The following SLC60A1 variants were observed in gnomAD, a reference collection of about 807,000 sequenced individuals.
SLC60A1 encodes solute carrier family 60 member 1.
At chr1:205,580,143 A>G in the SLC60A1 span, among the ~76,000 whole-genome samples, 1 of 152,106 alleles carries the variant, frequency 6.6e-6, no homozygotes, top group East Asian at 1.9e-4. The surrounding 1 kb of genome is among the most constrained non-coding windows in gnomAD (Gnocchi z 5.0). Flanking sequence ...CCAGGAGCCT[A>G]AGCGCTTGGG....
At chr1:205,569,423 C>T in the SLC60A1 span, 4 of 586,190 alleles carry the variant, frequency 6.8e-6, no homozygotes, top group Non-Finnish European at 9.5e-6. Flanking sequence ...CCCGTCGCCC[C>T]CGCCTCCCGG....
At chr1:205,569,068 C>T in the SLC60A1 span, 1 of 1,478,962 alleles carries the variant, frequency 6.8e-7, no homozygotes, top group Non-Finnish European at 9.0e-7. Context: ...TCAGCCTGCG[C>T]CATGGGCTGC....
chr1:205,596,008 C>T, the SLC60A1 span, among the ~76,000 whole-genome samples: 1 of 152,072 alleles, frequency 6.6e-6, no homozygotes, highest in East Asian at 1.9e-4. Context: ...AATGGAAAGG[C>T]CTTCCTGGGT....
the SLC60A1 span, among the ~76,000 whole-genome samples, chr1:205,587,416 C>T: frequency 1.3e-5 from 2 of 151,996 alleles, no homozygotes; most frequent in African/African-American, 4.8e-5. Context: ...TTGGATTTGA[C>T]CTCGTGCCAG....
chr1:205,569,957 C>T, the SLC60A1 span, among the ~76,000 whole-genome samples: 1 of 151,958 alleles, frequency 6.6e-6, no homozygotes, highest in Non-Finnish European at 1.5e-5. Context: ...ACACACAGGA[C>T]CTCACCGTTA....
chr1:205,594,317 T>C, the SLC60A1 span, among the ~76,000 whole-genome samples: 4 of 152,354 alleles, frequency 2.6e-5, no homozygotes, highest in East Asian at 7.7e-4. Flanking sequence ...TGTCACACAG[T>C]ACAACTCGAG....
At chr1:205,592,334 G>T in the SLC60A1 span, 3 of 1,546,058 alleles carry the variant, frequency 1.9e-6, no homozygotes, top group Admixed American at 1.9e-5. Flanking sequence ...CTAGCTGGGC[G>T]CCGCCGCCTC....
the SLC60A1 span, chr1:205,579,753 T>A: frequency 4.9e-4 from 784 of 1,614,060 alleles, 3 homozygotes; most frequent in African/African-American, 9.0e-3. Flanking sequence ...TCCTGCAGCC[T>A]GGCCCAGTCA....
At chr1:205,598,207 C>A in the SLC60A1 span, 1 of 210,544 alleles carries the variant, frequency 4.7e-6, no homozygotes, top group Non-Finnish European at 9.8e-6. Context: ...TCGGAACCCA[C>A]CACTCCCTAC....
the SLC60A1 span, among the ~76,000 whole-genome samples, chr1:205,596,578 A>T: frequency 4.0e-4 from 55 of 137,916 alleles, no homozygotes; most frequent in African/African-American, 1.5e-3. Flanking sequence ...AAAAAAAAAA[A>T]GATGAATGAT....
chr1:205,599,319 G>A, the SLC60A1 span: 1 of 1,585,156 alleles, frequency 6.3e-7, no homozygotes. Context: ...CGGGGGAGCA[G>A]GAGATGCTAT....
At chr1:205,595,268 C>T in the SLC60A1 span, 1 of 152,470 alleles carries the variant, frequency 6.6e-6, no homozygotes, top group East Asian at 1.9e-4. Flanking sequence ...ACATGCTATT[C>T]CCTGATGGCA....
the SLC60A1 span, among the ~76,000 whole-genome samples, chr1:205,594,669 TATTG>T: frequency 2.0e-5 from 3 of 151,572 alleles, no homozygotes; most frequent in African/African-American, 4.8e-5. Flanking sequence ...AAAAAAGTGA[TATTG>T]ATTGATTCTG....
At chr1:205,597,365 C>A in the SLC60A1 span, among the ~76,000 whole-genome samples, 1 of 144,344 alleles carries the variant, frequency 6.9e-6, no homozygotes, top group Admixed American at 7.1e-5. Flanking sequence ...CCAGAAGCAA[C>A]CTAGGTTGTT....
At chr1:205,595,405 C>T in the SLC60A1 span, among the ~76,000 whole-genome samples, 3 of 152,208 alleles carry the variant, frequency 2.0e-5, no homozygotes, top group African/African-American at 7.2e-5. Flanking sequence ...GGAAGTGTCC[C>T]TCTCCAGGAA....
chr1:205,593,196 C>G, the SLC60A1 span, among the ~76,000 whole-genome samples: 1 of 151,972 alleles, frequency 6.6e-6, no homozygotes. Flanking sequence ...TCTGGCCGCG[C>G]GGGGTGGCTC....
chr1:205,583,784 T>C, the SLC60A1 span, among the ~76,000 whole-genome samples: 2 of 152,226 alleles, frequency 1.3e-5, no homozygotes. Flanking sequence ...CACTCCTACC[T>C]TGGTCAAGGC....
At chr1:205,594,011 T>C in the SLC60A1 span, among the ~76,000 whole-genome samples, 1 of 152,204 alleles carries the variant, frequency 6.6e-6, no homozygotes, top group African/African-American at 2.4e-5. Flanking sequence ...CATTGAATCA[T>C]GACTCTGAAG....
the SLC60A1 span, chr1:205,597,668 T>C: frequency 9.5e-7 from 1 of 1,053,540 alleles, no homozygotes. Context: ...AGTACTGGGA[T>C]GTGCCTTCCG....
Sources: gnomAD v4.1 joint callset for allele counts (sites outside exome capture counted in the v4.1 genomes callset) on GRCh38, gnomAD v4.1.1 for gene constraint, Gnocchi (gnomAD v3.1) non-coding constraint, MANE v1.5 for transcripts, NCBI Gene and HGNC (gene_info 2026-07-23, HGNC 2026-07-21) for gene names.